RFX7: variants seen among roughly 807,000 people sequenced by gnomAD.
The protein encoded by RFX7 is regulatory factor X7, also known as DNA-binding protein RFX7.
In RFX7, 26 loss-of-function variants were observed where a neutral mutation model predicts 111.8. The ratio of observed to expected loss-of-function variants is 0.23; its 90% CI spans 0.17 to 0.32. The LOEUF is 0.32. RFX7 is among the 10% of genes least tolerant of loss of function. The pLI is 1.00. For missense variants in RFX7, 1,573 were observed against 1,772.9 expected, an observed-to-expected ratio of 0.89 and a Z score of 2.02; for synonymous variants, 624 against 624.4, an observed-to-expected ratio of 1.00 and a Z score of 0.01.
chr15:56,231,364 G>C (rs1205206679), intron 2 of RFX7, among the ~76,000 whole-genome samples: 5 of 152,150 alleles, frequency 3.3e-5, no homozygotes, highest in Admixed American at 2.6e-4. Context: ...GTTCCACATG[G>C]CTGGGGAGGC....
At chr15:56,198,836 T>C (rs1256084710) in intron 2 of RFX7, among the ~76,000 whole-genome samples, 3 of 152,210 alleles carry the variant, frequency 2.0e-5, no homozygotes, top group Middle Eastern at 3.4e-3. Context: ...TTCTCTCCTT[T>C]TGTATACATT....
chr15:56,096,958 T>C (rs1304829173), intron 9 of RFX7, among the ~76,000 whole-genome samples: 1 of 152,156 alleles, frequency 6.6e-6, no homozygotes, highest in Non-Finnish European at 1.5e-5. Flanking sequence ...AACATACAAC[T>C]GTAAAGGTTA....
rs138098554 is a variant in RFX7 at position 56,121,352 on chromosome 15, G to A, written c.402-17682C>T. Among the ~76,000 whole-genome samples, 330 of 152,308 alleles carry A rather than the reference G, an allele frequency of 2.2e-3. 1 individual carries two copies. Among genetic ancestry groups the A allele is most frequent in the African/African-American group, 5.7e-3 (235 of 41,560 alleles). Reference sequence around the variant, plus strand: ...GTTCCCACTGAAAAGTCTGCTGCCAGATGTACTAGAGGTCCATTGTATGTT... The same window carrying A: ...GTTCCCACTGAAAAGTCTGCTGCCAAATGTACTAGAGGTCCATTGTATGTT... On this transcript the variant is annotated intron_variant, in intron 5 of 9. Transcript: ENST00000559447.
intron 3 of RFX7, among the ~76,000 whole-genome samples, chr15:56,153,103 G>A (rs1323014143): frequency 1.3e-5 from 2 of 152,090 alleles, no homozygotes; most frequent in Non-Finnish European, 2.9e-5. Flanking sequence ...ATGACCAGAC[G>A]GATTCACAGC....
At chr15:56,160,565 C>T (rs569515843) in intron 3 of RFX7, among the ~76,000 whole-genome samples, 9 of 152,048 alleles carry the variant, frequency 5.9e-5, no homozygotes, top group East Asian at 3.9e-4. Context: ...CCCCCTCAAG[C>T]GACACTGATT....
At chr15:56,123,484 T>C (rs1428553935) in intron 5 of RFX7, among the ~76,000 whole-genome samples, 1 of 152,160 alleles carries the variant, frequency 6.6e-6, no homozygotes, top group Non-Finnish European at 1.5e-5. Flanking sequence ...TCTCCTCAAG[T>C]GGAAGGAAGG....
intron 3 of RFX7, among the ~76,000 whole-genome samples, chr15:56,176,113 T>C (rs1332349586): frequency 2.0e-5 from 3 of 151,972 alleles, no homozygotes; most frequent in African/African-American, 7.2e-5. Context: ...CAACAGGAAA[T>C]CTTAATAGAG....
intron 2 of RFX7, among the ~76,000 whole-genome samples, chr15:56,200,714 G>A (rs2043185453): frequency 6.6e-6 from 1 of 152,022 alleles, no homozygotes; most frequent in African/African-American, 2.4e-5. Context: ...CAGGAGAAAT[G>A]CTTGAATGAG....
intron 5 of RFX7, among the ~76,000 whole-genome samples, chr15:56,129,324 G>A (rs1005598308): frequency 2.0e-5 from 3 of 150,438 alleles, no homozygotes; most frequent in Admixed American, 6.6e-5. Flanking sequence ...GTAGTGAGCC[G>A]AGATTGCAAC....
intron 3 of RFX7, among the ~76,000 whole-genome samples, chr15:56,147,123 T>C (rs1383311119): frequency 6.6e-6 from 1 of 152,366 alleles, no homozygotes; most frequent in East Asian, 1.9e-4. Flanking sequence ...TTCTGTTCTA[T>C]GTTGAAATTC....
At chr15:56,208,610 C>G (rs1305790599) in intron 2 of RFX7, among the ~76,000 whole-genome samples, 1 of 151,922 alleles carries the variant, frequency 6.6e-6, no homozygotes, top group East Asian at 1.9e-4. Context: ...AATTATCAGA[C>G]CAGGAATTTA....
chr15:56,207,833 G>C (rs116903313), intron 2 of RFX7, among the ~76,000 whole-genome samples: 2,548 of 152,294 alleles, frequency 0.017, 37 homozygotes, highest in Non-Finnish European at 0.025. Flanking sequence ...ATTTGTCAGA[G>C]TGGTAAGATC....
At chr15:56,146,985 C>T (rs994479541) in intron 3 of RFX7, among the ~76,000 whole-genome samples, 1 of 152,210 alleles carries the variant, frequency 6.6e-6, no homozygotes, top group African/African-American at 2.4e-5. Context: ...TGAAACAATG[C>T]TCACTGGTTT....
At chr15:56,177,438 G>A (rs1410241854) in intron 3 of RFX7, among the ~76,000 whole-genome samples, 5 of 152,110 alleles carry the variant, frequency 3.3e-5, no homozygotes, top group Admixed American at 6.6e-5. Context: ...AGGATCATGA[G>A]AGGAGAGATC....
intron 2 of RFX7, among the ~76,000 whole-genome samples, chr15:56,203,175 G>C (rs1278620915): frequency 6.6e-6 from 1 of 152,156 alleles, no homozygotes; most frequent in African/African-American, 2.4e-5. Context: ...AAGTATAAAA[G>C]GTATCTGAAA....
intron 3 of RFX7, among the ~76,000 whole-genome samples, chr15:56,169,849 T>C (rs1278865133): frequency 2.7e-5 from 4 of 150,556 alleles, no homozygotes; most frequent in African/African-American, 9.8e-5. Flanking sequence ...TTTTAACAGG[T>C]GAGTATGGAA....
At chr15:56,183,595 C>T (rs1233574138) in intron 2 of RFX7, among the ~76,000 whole-genome samples, 1 of 152,132 alleles carries the variant, frequency 6.6e-6, no homozygotes, top group East Asian at 1.9e-4. Context: ...TAAGTTAACA[C>T]CACACTTCAA....
chr15:56,119,628 A>G (rs1216706367), intron 5 of RFX7, among the ~76,000 whole-genome samples: 2 of 151,944 alleles, frequency 1.3e-5, no homozygotes, highest in African/African-American at 4.8e-5. Context: ...AATACAAAAA[A>G]AAATTAGGCA....
At chr15:56,206,852 G>C (rs1331562719) in intron 2 of RFX7, among the ~76,000 whole-genome samples, 1 of 150,140 alleles carries the variant, frequency 6.7e-6, no homozygotes, top group African/African-American at 2.4e-5. Context: ...ATGGCTACCA[G>C]AGGCTTGAAG....
Sources: allele counts gnomAD v4.1 joint callset (sites outside exome capture counted in the v4.1 genomes callset), GRCh38; gene constraint gnomAD v4.1.1; transcripts MANE v1.5; gene names NCBI Gene and HGNC (gene_info 2026-07-23, HGNC 2026-07-21).